Variants in EFCAB5 observed in about 807,000 individuals in gnomAD.
EFCAB5 encodes the protein EF-hand calcium-binding domain-containing protein 5.
In EFCAB5, 131 loss-of-function variants were observed where a neutral mutation model predicts 167.9. The observed-to-expected ratio is 0.78, with a 90% confidence interval of 0.68 to 0.90. EFCAB5 has a LOEUF of 0.90. Among genes scored for constraint, EFCAB5 ranks in the 40% least tolerant of loss-of-function variants. The pLI is 0.00. For missense variants in EFCAB5, 1,663 were observed against 1,745.2 expected (o/e 0.95, Z 0.84); for synonymous variants, 574 against 602.8 (o/e 0.95, Z 0.70).
At chr17:30,018,085 C>A (rs1396226093) in intron 7 of EFCAB5, among the ~76,000 whole-genome samples, 2 of 152,036 alleles carry the variant, frequency 1.3e-5, no homozygotes. Context: ...TAAACCATAC[C>A]TTGAATGGTA....
At chr17:30,078,564 T>A (rs1597778531) in intron 15 of EFCAB5, 60 bp downstream of exon 15, 2 of 1,465,954 alleles carry the variant, frequency 1.4e-6, no homozygotes, top group South Asian at 2.9e-5. Context: ...CGATGTTCAA[T>A]GTTTGCAAAA....
chr17:29,930,802 A>G (rs1181470760), intron 1 of EFCAB5, among the ~76,000 whole-genome samples: 1 of 151,888 alleles, frequency 6.6e-6, no homozygotes, highest in Non-Finnish European at 1.5e-5. Flanking sequence ...TGCTTCCTCT[A>G]TTGCCTGTCT....
At chr17:30,083,315 A>G (rs776158561) in intron 18 of EFCAB5, among the ~76,000 whole-genome samples, 2 of 152,190 alleles carry the variant, frequency 1.3e-5, no homozygotes, top group African/African-American at 4.8e-5. Context: ...TGAAGCCATC[A>G]GGGCTCTCTT....
At chr17:30,101,187 C>G (rs78337679) in intron 22 of EFCAB5, among the ~76,000 whole-genome samples, 9,069 of 152,160 alleles carry the variant, frequency 0.06, 506 homozygotes, top group African/African-American at 0.15. Context: ...AGCAGAGGAA[C>G]GATATGACCT....
Position 30,053,724 on chromosome 17 carries a change from A to G in EFCAB5, c.1770A>G (p.Arg590=). 1 of 1,614,016 alleles carries G rather than the reference A, an allele frequency of 6.2e-7. No homozygotes were observed. Among genetic ancestry groups the G allele is most frequent in the Non-Finnish European group, 8.5e-7 (1 of 1,179,894 alleles). The stretch of plus-strand genomic sequence containing the variant: ...CAATAGAAGGACAAGGACCACGCAG[A>G]GTGTCAGTTTCAGAACAAGGATCAA... ...KGSIEGQGPR[R]VSVSEQGSSR... Residue 590 remains arginine, a synonymous_variant, in exon 10 of 23, where the codon AGA becomes AGG. Coordinates refer to ENST00000394835, the MANE Select transcript of EFCAB5 (RefSeq NM_198529.4).
chr17:30,040,001 G>A (rs933067691), intron 8 of EFCAB5, among the ~76,000 whole-genome samples: 30 of 152,294 alleles, frequency 2.0e-4, no homozygotes, highest in African/African-American at 7.2e-4. Flanking sequence ...AGATGTAAAT[G>A]CTTGGTTAGA....
intron 14 of EFCAB5, among the ~76,000 whole-genome samples, chr17:30,061,028 AT>A (rs2070411132): frequency 6.6e-6 from 1 of 152,228 alleles, no homozygotes; most frequent in South Asian, 2.1e-4. Context: ...ATTAGATGAT[AT>A]GGAATCCAAT....
At chr17:30,091,729 AT>A in intron 20 of EFCAB5, 141 bp from the exon 21 acceptor site, 2 of 873,784 alleles carry the variant, frequency 2.3e-6, no homozygotes, top group South Asian at 4.9e-5. Flanking sequence ...AGAAACTGAG[AT>A]TGTTTAAAAC....
rs1263865343 is a variant in EFCAB5, at chr17:30,069,650, C to T, written c.2738-8565C>T. On this transcript the variant is annotated intron_variant, in intron 14 of 22. Transcript: ENST00000394835. ...CCACAGCTAGCCTGGGCCACGGGGGCCCAGCACGAGAGTCTGCATGGGCGC... is the reference window on the plus strand; with the variant it reads ...CCACAGCTAGCCTGGGCCACGGGGGTCCAGCACGAGAGTCTGCATGGGCGC... 4.4e-6 allele frequency: 7 copies of T among 1,583,520 alleles called. No homozygotes were observed. In the Admixed American group the frequency reaches 5.1e-5, roughly 12 times the overall value.
chr17:30,107,764 A>C, intron 22 of EFCAB5, 70 bp from the exon 23 acceptor site: 1 of 1,279,028 alleles, frequency 7.8e-7, no homozygotes, highest in Non-Finnish European at 1.0e-6. Flanking sequence ...TCATAATATT[A>C]GAACTTATAA....
At chr17:29,997,936 G>GAA (rs112937585) in intron 6 of EFCAB5, among the ~76,000 whole-genome samples, 2 of 131,920 alleles carry the variant, frequency 1.5e-5, no homozygotes, top group Non-Finnish European at 3.3e-5. Context: ...AAATTAGGTG[G>GAA]AAAAAAAAAA....
At chr17:30,032,378 G>A (rs1034073999) in intron 7 of EFCAB5, among the ~76,000 whole-genome samples, 3 of 152,158 alleles carry the variant, frequency 2.0e-5, no homozygotes, top group Non-Finnish European at 4.4e-5. Context: ...TACATTTGAA[G>A]GGTGGCAAAA....
At chr17:29,944,103 A>T (rs2067348916) in intron 3 of EFCAB5, among the ~76,000 whole-genome samples, 1 of 152,164 alleles carries the variant, frequency 6.6e-6, no homozygotes, top group Non-Finnish European at 1.5e-5. Context: ...TTAGAGATGG[A>T]TCTTGCCCTG....
chr17:30,063,462 G>A (rs2070479321), intron 14 of EFCAB5, among the ~76,000 whole-genome samples: 1 of 152,134 alleles, frequency 6.6e-6, no homozygotes, highest in Non-Finnish European at 1.5e-5. Context: ...TCTGGAGTCA[G>A]GCCAGTGCTG....
chr17:29,942,179 G>A (rs1597553480), intron 1 of EFCAB5, 61 bp from the exon 2 acceptor site: 2 of 1,374,250 alleles, frequency 1.5e-6, no homozygotes, highest in East Asian at 5.0e-5. Flanking sequence ...TAAAGTATGA[G>A]ACAGTAGTTT....
At chr17:30,037,414 C>T (rs1042939232) in intron 8 of EFCAB5, among the ~76,000 whole-genome samples, 1 of 152,148 alleles carries the variant, frequency 6.6e-6, no homozygotes, top group African/African-American at 2.4e-5. Flanking sequence ...GAAGTACATA[C>T]ACCACAGTCA....
intron 14 of EFCAB5, among the ~76,000 whole-genome samples, chr17:30,061,498 A>C (rs2070424793): frequency 6.6e-6 from 1 of 152,178 alleles, no homozygotes; most frequent in Non-Finnish European, 1.5e-5. Context: ...AGTTTTTAGA[A>C]AGGTTTCTGC....
chr17:30,060,872 A>G (rs756029838), intron 14 of EFCAB5, among the ~76,000 whole-genome samples: 1 of 152,204 alleles, frequency 6.6e-6, no homozygotes, highest in African/African-American at 2.4e-5. Flanking sequence ...CCAATACTGG[A>G]TCTTCACTAA....
chr17:30,045,458 CAAAAAAAAAA>C (rs11291669), intron 8 of EFCAB5, among the ~76,000 whole-genome samples: 1 of 80,346 alleles, frequency 1.2e-5, no homozygotes, highest in African/African-American at 4.6e-5. Context: ...GCTCTGTCTC[CAAAAAAAAAA>C]AAAAAAAAAG....
Sources: gnomAD v4.1 joint callset for allele counts (sites outside exome capture counted in the v4.1 genomes callset) on GRCh38, gnomAD v4.1.1 for gene constraint, MANE v1.5 for transcripts, NCBI Gene and HGNC (gene_info 2026-07-23, HGNC 2026-07-21) for gene names.